MTUS2: variants seen among roughly 807,000 people sequenced by gnomAD.
MTUS2 encodes microtubule associated scaffold protein 2.
A neutral mutation model predicts 114.1 loss-of-function variants in MTUS2; 40 were observed. The observed-to-expected ratio is 0.35, with a 90% CI of 0.27 to 0.46. MTUS2 has a LOEUF of 0.46. Ranked by LOEUF, MTUS2 falls within the 20% of genes least tolerant of loss-of-function variation. The pLI is 1.00. For missense variants in MTUS2, 1,679 were observed against 1,705.4 expected (o/e 0.98, Z 0.27); for synonymous variants, 688 against 672.0 (o/e 1.02, Z -0.37).
chr13:28,969,820 G>T (rs1285539370), intron 2 of MTUS2, among the ~76,000 whole-genome samples: 10 of 148,764 alleles, frequency 6.7e-5, no homozygotes, highest in Non-Finnish European at 1.5e-4. Flanking sequence ...TGCTCTTTTT[G>T]CCCAGGCTGG....
intron 1 of MTUS2, among the ~76,000 whole-genome samples, chr13:28,828,977 A>G (rs948601026): frequency 2.6e-5 from 4 of 152,188 alleles, no homozygotes; most frequent in African/African-American, 7.2e-5. Context: ...TATATTATTT[A>G]TCTTGGAACA....
intron 5 of MTUS2, among the ~76,000 whole-genome samples, chr13:29,180,463 T>A (rs187188442): frequency 6.6e-6 from 1 of 152,312 alleles, no homozygotes; most frequent in Non-Finnish European, 1.5e-5. Context: ...AAATCTTACA[T>A]AGGCAAATCT....
In MTUS2 at chr13:29,107,239, T is replaced by G. The variant is rs1035908192; in HGVS notation, c.2644+6269T>G. Among the ~76,000 whole-genome samples the G allele has an allele frequency of 2.6e-5, 4 of 152,140 alleles. No individual in the cohort carries two copies. The East Asian group carries it at 7.7e-4, about 29-fold the overall frequency. On this transcript the variant is annotated intron_variant, in intron 5 of 15. Transcript: ENST00000612955. Reference sequence around the variant, plus strand: ...TAGTTCTTGTAGTTATTTGTTTTTATGTCCTCTCTCCCCTACAGACTATAA... The same window carrying G: ...TAGTTCTTGTAGTTATTTGTTTTTAGGTCCTCTCTCCCCTACAGACTATAA...
intron 4 of MTUS2, among the ~76,000 whole-genome samples, chr13:29,042,960 G>A (rs187224053): frequency 7.9e-5 from 12 of 151,862 alleles, no homozygotes; most frequent in African/African-American, 2.2e-4. Flanking sequence ...TCTTACAATT[G>A]TATTTAGTTC....
At chr13:29,167,224 A>G (rs1032483262) in intron 5 of MTUS2, among the ~76,000 whole-genome samples, 2 of 151,978 alleles carry the variant, frequency 1.3e-5, no homozygotes, top group African/African-American at 4.8e-5. Flanking sequence ...AAATACAAAA[A>G]ATTAGCCGGG....
chr13:29,349,690 A>G (rs533635769), intron 7 of MTUS2, among the ~76,000 whole-genome samples: 1 of 152,222 alleles, frequency 6.6e-6, no homozygotes, highest in East Asian at 1.9e-4. Flanking sequence ...ATGCTGTTTT[A>G]GTGATTTCCA....
At chr13:28,902,757 G>A (rs36059506) in intron 2 of MTUS2, among the ~76,000 whole-genome samples, 2 of 152,106 alleles carry the variant, frequency 1.3e-5, no homozygotes, top group Non-Finnish European at 2.9e-5. Context: ...AACTTCATGA[G>A]AAATATTGAT....
intron 2 of MTUS2, among the ~76,000 whole-genome samples, chr13:29,018,632 C>T (rs528935578): frequency 3.3e-5 from 5 of 151,814 alleles, no homozygotes; most frequent in Admixed American, 1.3e-4. Flanking sequence ...TGGTGGCGTG[C>T]GCCTGTAATC....
At chr13:28,938,824 A>G (rs895546154) in intron 2 of MTUS2, among the ~76,000 whole-genome samples, 1 of 152,176 alleles carries the variant, frequency 6.6e-6, no homozygotes, top group African/African-American at 2.4e-5. Flanking sequence ...AATTTAAGAC[A>G]TTGTAAGGCA....
chr13:28,914,785 A>G (rs1196310655), intron 2 of MTUS2, among the ~76,000 whole-genome samples: 3 of 152,066 alleles, frequency 2.0e-5, no homozygotes, highest in Non-Finnish European at 4.4e-5. Context: ...GTGCAAGCAC[A>G]TTTTGGGTAG....
Position 28,978,867 on chromosome 13 carries a change from A to G in MTUS2, c.-242-45590A>G, listed in dbSNP as rs1884232646. The stretch of plus-strand genomic sequence containing the variant: ...TGCTATCAAAGGCTGTTAGGCTCTG[A>G]CAGCTAAGATTGGTGGAGTACAACC... On this transcript the variant is annotated intron_variant, in intron 2 of 15. Transcript: ENST00000612955. 2.0e-5 allele frequency among the ~76,000 whole-genome samples: 3 copies of G among 152,178 alleles called. No individual in the cohort carries two copies. The South Asian group carries it at 6.2e-4, about 32-fold the overall frequency.
intron 5 of MTUS2, among the ~76,000 whole-genome samples, chr13:29,261,916 G>A (rs182154497): frequency 1.0e-4 from 15 of 149,798 alleles, no homozygotes; most frequent in Middle Eastern, 3.5e-3. Context: ...ATGGTAAAAA[G>A]TTGCCTTTAA....
chr13:28,925,419 G>A (rs1422691695), intron 2 of MTUS2, among the ~76,000 whole-genome samples: 1 of 152,154 alleles, frequency 6.6e-6, no homozygotes. Flanking sequence ...ATCAATTTAA[G>A]TATTTTAAAC....
At chr13:29,390,630 T>G (rs1593391155) in intron 8 of MTUS2, among the ~76,000 whole-genome samples, 3 of 137,516 alleles carry the variant, frequency 2.2e-5, no homozygotes, top group South Asian at 2.3e-4. Context: ...CCAGCCTGGG[T>G]GACAGGGCGA....
chr13:29,421,870 G>A (rs967106206), intron 8 of MTUS2, among the ~76,000 whole-genome samples: 5 of 152,272 alleles, frequency 3.3e-5, no homozygotes, highest in African/African-American at 1.2e-4. Flanking sequence ...CTACAATGAC[G>A]GAGGGCAGGG....
chr13:29,484,084 T>C (rs1881410524), intron 10 of MTUS2: 1 of 152,268 alleles, frequency 6.6e-6, no homozygotes, highest in Non-Finnish European at 1.5e-5. Flanking sequence ...GGATGCATGA[T>C]GATTCTGCTC....
At chr13:29,320,017 G>T (rs1012688628) in intron 6 of MTUS2, among the ~76,000 whole-genome samples, 2 of 152,208 alleles carry the variant, frequency 1.3e-5, no homozygotes, top group African/African-American at 4.8e-5. Flanking sequence ...CCCTGAATAT[G>T]TCCATGTATG....
At chr13:29,381,743 T>G (rs1395670546) in intron 8 of MTUS2, among the ~76,000 whole-genome samples, 1 of 149,236 alleles carries the variant, frequency 6.7e-6, no homozygotes, top group Non-Finnish European at 1.5e-5. Context: ...GAAAACACAA[T>G]GTAGAGGAAG....
Position 29,026,709 on chromosome 13 carries a change from C to G in MTUS2, c.2011C>G (p.Pro671Ala). The G allele has an allele frequency of 1.2e-6, 2 of 1,613,994 alleles. No homozygotes were observed. Among genetic ancestry groups the G allele is most frequent in the Non-Finnish European group, 1.7e-6 (2 of 1,179,896 alleles). The change falls in exon 3 of 16, where the codon CCG becomes GCG. Residue 671 changes from proline (P) to alanine (A), a missense_variant. By Grantham distance (27) the Pro-to-Ala change is conservative. Transcript: ENST00000612955. ...SLVPVGLPYA[P>A]PTCTMPLPHE... The stretch of plus-strand genomic sequence containing the variant: ...GGTTCCAGTGGGGCTTCCATATGCC[C>G]CGCCCACATGTACCATGCCTCTTCC...
Sources: allele counts gnomAD v4.1 joint callset (sites outside exome capture counted in the v4.1 genomes callset), GRCh38; gene constraint gnomAD v4.1.1; transcripts MANE v1.5; gene names NCBI Gene and HGNC (gene_info 2026-07-23, HGNC 2026-07-21).